ANKRD17: variants seen among roughly 807,000 people sequenced by gnomAD.
ANKRD17 encodes ankyrin repeat domain-containing protein 17.
Under a neutral mutation model 229.7 loss-of-function variants are expected in ANKRD17, and 19 were observed. The ratio of observed to expected loss-of-function variants is 0.08; its 90% CI spans 0.06 to 0.12. The LOEUF (loss-of-function observed/expected upper bound fraction) is 0.12. Ranked by LOEUF, ANKRD17 falls within the 10% of genes least tolerant of loss-of-function variation. The pLI, the probability that ANKRD17 is intolerant of heterozygous loss-of-function variation, is 1.00. For synonymous variants in ANKRD17, 1,112 were observed against 1,146.1 expected, an observed-to-expected ratio of 0.97 and a Z score of 0.60; for missense variants, 2,176 against 3,176.8, an observed-to-expected ratio of 0.68 and a Z score of 7.57.
intron 16 of ANKRD17, among the ~76,000 whole-genome samples, chr4:73,133,710 T>A (rs1237223211): frequency 6.6e-6 from 1 of 151,856 alleles, no homozygotes; most frequent in Non-Finnish European, 1.5e-5. Flanking sequence ...TATTTTTTTT[T>A]AAAAGGCTAT....
intron 3 of ANKRD17, among the ~76,000 whole-genome samples, chr4:73,159,362 T>C (rs1386258261): frequency 2.0e-5 from 3 of 152,238 alleles, no homozygotes; most frequent in African/African-American, 7.2e-5. Context: ...ATCATTTGAA[T>C]TTTTCATTCA....
chr4:73,113,671 A>G lies in ANKRD17; in HGVS notation c.4401+121T>C, dbSNP rs1037344974. 1.9e-5 allele frequency: 16 copies of G among 829,352 alleles called. No homozygotes were observed. The Admixed American group carries it at 3.1e-4, about 16-fold the overall frequency. The allele number at this position is 829,352 out of a possible 1,614,324, so 51.4% of individuals were successfully genotyped here. ...TCCACGATTTGAGCCAAATGTAGAA[A>G]GAAATCATGTACGTAATTTAAAGCA... On this transcript the variant is annotated intron_variant, in intron 24 of 33. Coordinates refer to ENST00000358602, the MANE Select transcript of ANKRD17 (RefSeq NM_032217.5).
chr4:73,142,567 C>T (rs1238235919), intron 12 of ANKRD17, 73 bp downstream of exon 12: 2 of 1,608,118 alleles, frequency 1.2e-6, no homozygotes, highest in African/African-American at 2.7e-5. Flanking sequence ...GGAACTTGTA[C>T]ATGATATGTT....
In ANKRD17 at chr4:73,091,707, C is replaced by A; in HGVS notation, c.5921G>T (p.Ser1974Ile). 1 of 1,614,172 alleles carries A rather than the reference C, an allele frequency of 6.2e-7. No homozygotes were observed. The highest frequency in any genetic ancestry group is 8.5e-7 in the Non-Finnish European group (1 of 1,180,034). ...ACCAGGCACCGTTGAAGCTGATGAA[C>A]TGGTTGTAGTTGTTGGGCTTGAAGT... ...SLTSSPTTTT[S>I]SSASTVPGTS... Residue 1974 changes from serine to isoleucine, a missense_variant, in exon 29 of 34, where the codon AGT becomes ATT. By Grantham distance (142) the Ser-to-Ile change is moderately radical. This residue lies in a region of ANKRD17 where 424 missense variants were observed against 454.0 expected (regional missense o/e 0.93). Coordinates refer to ENST00000358602, the MANE Select transcript of ANKRD17 (RefSeq NM_032217.5).
At chr4:73,138,474 C>G (rs939454808) in intron 15 of ANKRD17, among the ~76,000 whole-genome samples, 1 of 151,892 alleles carries the variant, frequency 6.6e-6, no homozygotes, top group African/African-American at 2.4e-5. Context: ...AAACACTATA[C>G]AGTTTAGTTT....
At chr4:73,104,634 A>G (rs1053575436) in intron 24 of ANKRD17, among the ~76,000 whole-genome samples, 7 of 152,174 alleles carry the variant, frequency 4.6e-5, no homozygotes, top group African/African-American at 1.7e-4. Flanking sequence ...TTGGGGGAGA[A>G]TCAAAACAGC....
intron 1 of ANKRD17, among the ~76,000 whole-genome samples, chr4:73,195,005 C>T (rs1034817028): frequency 1.3e-5 from 2 of 152,024 alleles, no homozygotes; most frequent in South Asian, 2.1e-4. Flanking sequence ...GAATGGAAAA[C>T]GTTGCTAAAC....
Position 73,102,512 on chromosome 4 carries a change from C to T in ANKRD17, c.4437G>A (p.Ala1479=), listed in dbSNP as rs372433463. The change falls in exon 25 of 34, where the codon GCG becomes GCA. Residue 1479 remains alanine, a synonymous_variant. Transcript: ENST00000358602. The part of the protein sequence containing the change: ...REESRRLALA[A]KREKRKEKRR... ...TCTTCTCTTTTCTTTTTTCTCTTTT[C>T]GCAGCCAAAGCCAGCCTCCGACTTT... 1.7e-4 allele frequency: 268 copies of T among 1,601,216 alleles called. No homozygotes were observed. The highest frequency in any genetic ancestry group is 2.4e-4 in the African/African-American group (18 of 73,560).
chr4:73,237,620 G>C (rs554502400), intron 1 of ANKRD17, among the ~76,000 whole-genome samples: 1 of 152,248 alleles, frequency 6.6e-6, no homozygotes, highest in Admixed American at 6.5e-5. Flanking sequence ...AAGGTCCTGA[G>C]ATTTAGAAAA....
chr4:73,157,214 T>C (rs1457728590), intron 3 of ANKRD17, among the ~76,000 whole-genome samples: 1 of 152,164 alleles, frequency 6.6e-6, no homozygotes, highest in Non-Finnish European at 1.5e-5. Flanking sequence ...TAAAGATCTA[T>C]GTGAGTCCTT....
At chr4:73,146,694 TAG>T in intron 10 of ANKRD17, 68 bp downstream of exon 10, 1 of 1,140,230 alleles carries the variant, frequency 8.8e-7, no homozygotes, top group Non-Finnish European at 1.2e-6. Context: ...ACCTTTTGTC[TAG>T]ACTCTCCATA....
At chr4:73,191,649 A>G (rs972019032) in intron 1 of ANKRD17, among the ~76,000 whole-genome samples, 7 of 151,972 alleles carry the variant, frequency 4.6e-5, no homozygotes, top group Admixed American at 3.3e-4. Context: ...AGAGGATTAT[A>G]AAGAAATTTT....
At chr4:73,252,234 A>G (rs531741671) in intron 1 of ANKRD17, among the ~76,000 whole-genome samples, 5 of 152,356 alleles carry the variant, frequency 3.3e-5, no homozygotes, top group African/African-American at 1.2e-4. Flanking sequence ...GCTTTCAGAT[A>G]TGACAGTCCA....
chr4:73,114,011 A>C, intron 23 of ANKRD17, 103 bp from the exon 24 acceptor site: 1 of 737,956 alleles, frequency 1.4e-6, no homozygotes. Flanking sequence ...AAACCTAAGC[A>C]ATAAAGATCC....
intron 29 of ANKRD17, among the ~76,000 whole-genome samples, chr4:73,087,387 T>A (rs1198331416): frequency 6.6e-6 from 1 of 152,128 alleles, no homozygotes; most frequent in Non-Finnish European, 1.5e-5. Context: ...ATCCAGCCAA[T>A]CTGTCATTGA....
intron 1 of ANKRD17, among the ~76,000 whole-genome samples, chr4:73,207,895 A>T (rs1041755789): frequency 6.6e-6 from 1 of 152,108 alleles, no homozygotes; most frequent in African/African-American, 2.4e-5. Context: ...TAAGGGTATT[A>T]AAAAAACTTG....
chr4:73,137,822 C>T (rs1729104463), intron 15 of ANKRD17, among the ~76,000 whole-genome samples: 1 of 152,024 alleles, frequency 6.6e-6, no homozygotes, highest in Non-Finnish European at 1.5e-5. Flanking sequence ...ACTGAGAATA[C>T]ACAGAATTGT....
At chr4:73,123,375 T>G (rs112864201) in intron 18 of ANKRD17, among the ~76,000 whole-genome samples, 1 of 152,066 alleles carries the variant, frequency 6.6e-6, no homozygotes, top group Non-Finnish European at 1.5e-5. Flanking sequence ...TCTTAATATT[T>G]GGCTTATAAT....
intron 13 of ANKRD17, 24 bp downstream of exon 13, chr4:73,142,218 A>G (rs780088755): frequency 1.3e-6 from 2 of 1,524,244 alleles, no homozygotes; most frequent in Non-Finnish European, 1.7e-6. Flanking sequence ...ATACCATAAA[A>G]TGCTTTAATT....
Sources: gnomAD v4.1 joint callset for allele counts (sites outside exome capture counted in the v4.1 genomes callset) on GRCh38, gnomAD v4.1.1 for gene constraint, gnomAD v4.1.1 regional missense constraint, MANE v1.5 for transcripts, NCBI Gene and HGNC (gene_info 2026-07-23, HGNC 2026-07-21) for gene names.